Variants in ERBB4 observed in about 807,000 individuals in gnomAD.
The protein encoded by ERBB4 is erb-b2 receptor tyrosine kinase 4, also known as receptor tyrosine-protein kinase erbB-4.
ERBB4 carries 42 observed loss-of-function variants against 158.0 expected under a neutral mutation model. That is an observed-to-expected ratio of 0.27 (90% CI 0.21 to 0.34). ERBB4 has a LOEUF of 0.34. Among genes scored for constraint, ERBB4 ranks in the 10% least tolerant of loss-of-function variants. The pLI, the probability that ERBB4 is intolerant of heterozygous loss-of-function variation, is 1.00. For missense variants in ERBB4, 1,333 were observed against 1,624.1 expected (o/e 0.82, Z 3.08); for synonymous variants, 583 against 558.7 (o/e 1.04, Z -0.61).
At chr2:211,932,349 T>C (rs1386921769) in intron 3 of ERBB4, among the ~76,000 whole-genome samples, 1 of 152,028 alleles carries the variant, frequency 6.6e-6, no homozygotes, top group East Asian at 1.9e-4. Flanking sequence ...AATTTTCTGA[T>C]TGTTTTACAT....
chr2:212,164,234 T>C (rs910269764), intron 1 of ERBB4, among the ~76,000 whole-genome samples: 2 of 152,078 alleles, frequency 1.3e-5, no homozygotes, highest in African/African-American at 4.8e-5. Context: ...CTAGTCTGAA[T>C]TGATATGTGC....
chr2:211,834,685 A>G (rs1283720560), intron 3 of ERBB4, among the ~76,000 whole-genome samples: 1 of 152,114 alleles, frequency 6.6e-6, no homozygotes, highest in Non-Finnish European at 1.5e-5. Flanking sequence ...GTGGGCCAGT[A>G]CAAGGCCTGG....
rs575538453 is a variant in ERBB4, at chr2:211,507,509, A to G, written c.2487+54394T>C. On this transcript the variant is annotated intron_variant, in intron 20 of 27. Coordinates refer to ENST00000342788, the MANE Select transcript of ERBB4 (RefSeq NM_005235.3). ...CAACTTCAAGCTATGCTATAAGGCT[A>G]CAGTAACAAAAACAGCATGGTACAG... Among the ~76,000 whole-genome samples, 4 of 152,294 alleles carry G rather than the reference A, an allele frequency of 2.6e-5. No individual in the cohort carries two copies. The East Asian group carries it at 5.8e-4, about 22-fold the overall frequency.
chr2:212,137,307 TTCTG>T (rs918803096), intron 1 of ERBB4, among the ~76,000 whole-genome samples: 5 of 152,174 alleles, frequency 3.3e-5, no homozygotes, highest in Non-Finnish European at 5.9e-5. Flanking sequence ...TAGTTATTTT[TTCTG>T]ATCCTCTCTC....
intron 20 of ERBB4, among the ~76,000 whole-genome samples, chr2:211,502,421 C>T (rs1349973685): frequency 2.0e-5 from 3 of 152,150 alleles, no homozygotes; most frequent in African/African-American, 7.2e-5. Context: ...ATATTGATTA[C>T]TCTTAACTTC....
chr2:212,310,831 A>G (rs2106236480), intron 1 of ERBB4, among the ~76,000 whole-genome samples: 1 of 150,532 alleles, frequency 6.6e-6, no homozygotes, highest in South Asian at 2.1e-4. Context: ...AGTAGAATGT[A>G]AAATGTTCTC....
intron 19 of ERBB4, among the ~76,000 whole-genome samples, chr2:211,574,339 T>G (rs768391226): frequency 2.4e-4 from 36 of 152,192 alleles, no homozygotes; most frequent in Non-Finnish European, 4.1e-4. Flanking sequence ...AGTTAAAAGA[T>G]GGCTAAAGTA....
chr2:211,970,714 T>C (rs2081429256), intron 2 of ERBB4, among the ~76,000 whole-genome samples: 2 of 152,176 alleles, frequency 1.3e-5, no homozygotes, highest in South Asian at 4.1e-4. Context: ...CTTTTTTCTG[T>C]TTTCCATTTG....
chr2:212,206,589 C>CTTGTTTTTTTTTTTTTTT (rs2082754421), intron 1 of ERBB4, among the ~76,000 whole-genome samples: 1 of 116,450 alleles, frequency 8.6e-6, no homozygotes, highest in African/African-American at 3.6e-5. Flanking sequence ...CTGTTCTGTT[C>CTTGTTTTTTTTTTTTTTT]TTTTTTTTTT....
intron 16 of ERBB4, among the ~76,000 whole-genome samples, chr2:211,635,145 A>G (rs1461685893): frequency 6.6e-6 from 1 of 151,972 alleles, no homozygotes; most frequent in Non-Finnish European, 1.5e-5. Context: ...AATGGTTGAG[A>G]CCCCCTAAAG....
At chr2:212,125,108 A>G in intron 1 of ERBB4, 1 of 582,270 alleles carries the variant, frequency 1.7e-6, no homozygotes, top group South Asian at 1.9e-5. Flanking sequence ...CTAATCACAG[A>G]GAGTAGGAAG....
intron 25 of ERBB4, among the ~76,000 whole-genome samples, chr2:211,408,941 A>G (rs2063199791): frequency 6.6e-6 from 1 of 152,246 alleles, no homozygotes; most frequent in African/African-American, 2.4e-5. Flanking sequence ...TGCTTGTAGC[A>G]AACTCCGAGG....
chr2:211,879,526 C>T (rs1296431701), intron 3 of ERBB4, among the ~76,000 whole-genome samples: 6 of 152,182 alleles, frequency 3.9e-5, no homozygotes, highest in African/African-American at 1.4e-4. Context: ...GGTGTGGCAA[C>T]ACAGGCACTC....
chr2:212,452,090 G>C (rs778558973), intron 1 of ERBB4, among the ~76,000 whole-genome samples: 4 of 151,650 alleles, frequency 2.6e-5, no homozygotes, highest in Non-Finnish European at 4.4e-5. Flanking sequence ...TGGATGGGTG[G>C]GAAAAATGTC....
At chr2:212,335,577 A>T (rs1271197721) in intron 1 of ERBB4, among the ~76,000 whole-genome samples, 1 of 152,064 alleles carries the variant, frequency 6.6e-6, no homozygotes, top group Non-Finnish European at 1.5e-5. Context: ...AATAACTGTT[A>T]TAAGGAATGC....
chr2:212,340,747 G>A (rs759760827), intron 1 of ERBB4, among the ~76,000 whole-genome samples: 2 of 152,156 alleles, frequency 1.3e-5, no homozygotes, highest in African/African-American at 2.4e-5. Context: ...ACCTACCTGC[G>A]GTGCAGCCTG....
At chr2:211,862,329 A>G (rs1338684653) in intron 3 of ERBB4, among the ~76,000 whole-genome samples, 2 of 152,218 alleles carry the variant, frequency 1.3e-5, no homozygotes, top group African/African-American at 4.8e-5. Context: ...TTAATGCTAT[A>G]ACATCTGTTT....
intron 19 of ERBB4, among the ~76,000 whole-genome samples, chr2:211,594,379 C>T (rs1158369486): frequency 6.6e-6 from 1 of 151,840 alleles, no homozygotes; most frequent in Non-Finnish European, 1.5e-5. Context: ...GCAGAGGTTG[C>T]AGTGAGCTGA....
chr2:212,327,112 G>A (rs1343377387), intron 1 of ERBB4, among the ~76,000 whole-genome samples: 1 of 150,568 alleles, frequency 6.6e-6, no homozygotes, highest in East Asian at 1.9e-4. Context: ...TGAAGTTTTT[G>A]AGACGATTAA....
Sources: allele counts gnomAD v4.1 joint callset (sites outside exome capture counted in the v4.1 genomes callset), GRCh38; gene constraint gnomAD v4.1.1; transcripts MANE v1.5; gene names NCBI Gene and HGNC (gene_info 2026-07-23, HGNC 2026-07-21).